AUTS2: variants seen among roughly 807,000 people sequenced by gnomAD.
AUTS2 encodes activator of transcription and developmental regulator AUTS2.
Under a neutral mutation model 112.4 loss-of-function variants are expected in AUTS2, and 17 were observed. The observed-to-expected ratio is 0.15, with a 90% confidence interval of 0.10 to 0.23. AUTS2 has a LOEUF of 0.23. AUTS2 is among the 10% of genes least tolerant of loss of function. The pLI is 1.00. For missense variants in AUTS2, 1,510 were observed against 1,701.6 expected, an observed-to-expected ratio of 0.89 and a Z score of 1.98; for synonymous variants, 751 against 702.7, an observed-to-expected ratio of 1.07 and a Z score of -1.09.
intron 1 of AUTS2, among the ~76,000 whole-genome samples, chr7:69,884,365 C>T (rs1253039295): frequency 6.6e-6 from 1 of 152,186 alleles, no homozygotes; most frequent in Non-Finnish European, 1.5e-5. Flanking sequence ...TCAGACATCC[C>T]TATTGCCTAT....
intron 5 of AUTS2, among the ~76,000 whole-genome samples, chr7:70,586,183 T>C (rs1802681210): frequency 6.6e-6 from 1 of 152,092 alleles, no homozygotes; most frequent in Non-Finnish European, 1.5e-5. Context: ...TTTAAAACAC[T>C]CGAAACAATG....
intron 2 of AUTS2, among the ~76,000 whole-genome samples, chr7:70,065,260 G>C (rs147169810): frequency 8.6e-4 from 131 of 152,034 alleles, no homozygotes; most frequent in African/African-American, 3.0e-3. Context: ...ATGATAAAAA[G>C]GATATTGAAT....
At chr7:70,333,163 A>G (rs1001173531) in intron 4 of AUTS2, among the ~76,000 whole-genome samples, 5 of 152,210 alleles carry the variant, frequency 3.3e-5, no homozygotes, top group African/African-American at 1.2e-4. Context: ...CTGAACAGAC[A>G]CTTCTCAAAA....
At chr7:70,084,303 G>C (rs1446848953) in intron 2 of AUTS2, among the ~76,000 whole-genome samples, 1 of 152,090 alleles carries the variant, frequency 6.6e-6, no homozygotes, top group South Asian at 2.1e-4. Context: ...CATAGTGTGT[G>C]TTTATACATT....
intron 2 of AUTS2, among the ~76,000 whole-genome samples, chr7:69,908,266 C>G (rs1795225253): frequency 6.6e-6 from 1 of 152,158 alleles, no homozygotes; most frequent in Admixed American, 6.6e-5. Context: ...CCTGCTTTGC[C>G]ACAGGAACCC....
In AUTS2 at chr7:70,642,748, C is replaced by G. The variant is rs142180450; in HGVS notation, c.691-55821C>G. 1.2e-3 allele frequency among the ~76,000 whole-genome samples: 179 copies of G among 150,856 alleles called. 2 individuals carry two copies. In the East Asian group the frequency reaches 0.027, roughly 22 times the overall value. On this transcript the variant is annotated intron_variant, in intron 5 of 18. Transcript: ENST00000342771. ...CATTCCATCCTCCTCAGTGACTTCT[C>G]TTCTGTCTTCTAAGCTCTCTCGCTG... is the stretch of plus-strand genomic sequence containing the variant.
At chr7:70,283,771 G>A (rs778316790) in intron 4 of AUTS2, among the ~76,000 whole-genome samples, 3 of 151,966 alleles carry the variant, frequency 2.0e-5, no homozygotes, top group Non-Finnish European at 4.4e-5. Flanking sequence ...AGTTTGTTGA[G>A]TTTTCAAAAG....
chr7:70,734,290 A>G (rs546135805), intron 6 of AUTS2, among the ~76,000 whole-genome samples: 50 of 152,112 alleles, frequency 3.3e-4, no homozygotes, highest in Non-Finnish European at 5.4e-4. Context: ...ATACAAAAAA[A>G]TTAGCTGGGC....
chr7:70,193,418 C>A (rs752354335), intron 4 of AUTS2, among the ~76,000 whole-genome samples: 8 of 152,156 alleles, frequency 5.3e-5, no homozygotes, highest in African/African-American at 1.9e-4. Context: ...TTGCTCTGTG[C>A]CAAGCACATG....
intron 4 of AUTS2, among the ~76,000 whole-genome samples, chr7:70,274,158 T>C (rs1253266643): frequency 1.3e-5 from 2 of 152,182 alleles, no homozygotes; most frequent in South Asian, 2.1e-4. Context: ...CTTCTACTTA[T>C]AGTATATTTG....
chr7:70,103,779 G>A (rs372280907), intron 2 of AUTS2, among the ~76,000 whole-genome samples: 5 of 151,686 alleles, frequency 3.3e-5, no homozygotes, highest in East Asian at 1.9e-4. Context: ...GCATGGTGGC[G>A]TGCACCTGTA....
intron 2 of AUTS2, among the ~76,000 whole-genome samples, chr7:70,105,194 A>G (rs1804703274): frequency 6.6e-6 from 1 of 152,138 alleles, no homozygotes; most frequent in Admixed American, 6.6e-5. Context: ...TAAATTGGGA[A>G]GTACAATTTA....
At chr7:69,928,925 C>T (rs574859305) in intron 2 of AUTS2, among the ~76,000 whole-genome samples, 26 of 152,294 alleles carry the variant, frequency 1.7e-4, no homozygotes, top group Admixed American at 6.5e-4. Context: ...CCAATCCAGA[C>T]GGGCCACCAT....
chr7:70,204,344 A>G (rs372520541), intron 4 of AUTS2, among the ~76,000 whole-genome samples: 112 of 152,370 alleles, frequency 7.4e-4, no homozygotes, highest in African/African-American at 2.6e-3. Context: ...ACAGGGATGT[A>G]GAAACATGGT....
intron 4 of AUTS2, among the ~76,000 whole-genome samples, chr7:70,309,421 T>A (rs760631805): frequency 5.3e-5 from 8 of 152,230 alleles, no homozygotes; most frequent in Non-Finnish European, 1.2e-4. Context: ...GACAACATTC[T>A]ATACCTAACA....
At chr7:70,668,087 G>A (rs193271662) in intron 5 of AUTS2, among the ~76,000 whole-genome samples, 29 of 152,318 alleles carry the variant, frequency 1.9e-4, no homozygotes, top group Admixed American at 1.9e-3. Flanking sequence ...CCAAGTGGTT[G>A]TCCTGCCTCA....
intron 5 of AUTS2, among the ~76,000 whole-genome samples, chr7:70,624,945 C>T (rs891035998): frequency 6.6e-6 from 1 of 152,040 alleles, no homozygotes; most frequent in South Asian, 2.1e-4. Flanking sequence ...AGCAGGGAGG[C>T]GAATCCTGAG....
chr7:69,787,582 C>G (rs1030701515), intron 1 of AUTS2, among the ~76,000 whole-genome samples: 1 of 152,168 alleles, frequency 6.6e-6, no homozygotes, highest in Non-Finnish European at 1.5e-5. Flanking sequence ...CAGAGTCTCA[C>G]TCTGTTGCCT....
intron 4 of AUTS2, among the ~76,000 whole-genome samples, chr7:70,247,588 A>T (rs1051592854): frequency 1.3e-5 from 2 of 152,176 alleles, no homozygotes; most frequent in Non-Finnish European, 2.9e-5. Context: ...ATAGAAATAC[A>T]CTTGATTTTT....
Sources: allele counts gnomAD v4.1 joint callset (sites outside exome capture counted in the v4.1 genomes callset), GRCh38; gene constraint gnomAD v4.1.1; transcripts MANE v1.5; gene names NCBI Gene and HGNC (gene_info 2026-07-23, HGNC 2026-07-21).